MEGF8: variants seen among roughly 807,000 people sequenced by gnomAD.
MEGF8 encodes multiple EGF like domains 8, also known as multiple epidermal growth factor-like domains protein 8.
A neutral mutation model predicts 302.9 loss-of-function variants in MEGF8; 156 were observed. The observed-to-expected ratio is 0.52, with a 90% CI of 0.45 to 0.59. The LOEUF (loss-of-function observed/expected upper bound fraction) is 0.59, where lower values mean the gene tolerates loss of function less well. MEGF8 is among the 20% of genes least tolerant of loss of function. The pLI, the probability that MEGF8 is intolerant of heterozygous loss-of-function variation, is 0.00. For synonymous variants in MEGF8, 1,621 were observed against 1,660.5 expected, an observed-to-expected ratio of 0.98 and a Z score of 0.58; for missense variants, 3,345 against 3,964.5, an observed-to-expected ratio of 0.84 and a Z score of 4.20.
Position 42,352,300 on chromosome 19 carries a change from C to T in MEGF8, c.3194C>T (p.Ala1065Val). The change falls in exon 19 of 42, where the codon GCC (alanine) becomes GTC (valine). Residue 1065 changes from alanine to valine, a missense_variant. Physicochemically the swap from Ala to Val is moderately conservative, Grantham distance 64 (BLOSUM62 0). Transcript: ENST00000251268. This position sits in a 1 kb window ranked among gnomAD's most constrained non-coding sequence, Gnocchi z 4.4. Reference sequence around the variant, plus strand: ...CTGGGGCTTCCCGTGGCCCTCCCTGCCCGCTGGGCATACGCCCGCTGTCCT... The same window carrying T: ...CTGGGGCTTCCCGTGGCCCTCCCTGTCCGCTGGGCATACGCCCGCTGTCCT... ...EGLGLPVALP[A>V]RWAYARCPDV... 6.4e-7 allele frequency: 1 copy of T among 1,574,526 alleles called. No homozygotes were observed. Among genetic ancestry groups the T allele is most frequent in the Non-Finnish European group, 8.6e-7 (1 of 1,160,452 alleles).
In MEGF8 at chr19:42,349,480, T is replaced by C; in HGVS notation, c.2299-19T>C. 6.3e-7 allele frequency: 1 copy of C among 1,590,206 alleles called. No homozygotes were observed. On this transcript the variant is annotated intron_variant, in intron 13 of 41. Transcript: ENST00000251268. ...GGAAGGGTTCTGAGGCCCCTGCCTA[T>C]CACTCACACCTACCCCAGGAGGAGG...
At position 42,351,614 on chromosome 19, in the gene MEGF8, T is replaced by C. The variant is rs760681583; in HGVS notation, c.2988-34T>C. 5.6e-6 allele frequency: 9 copies of C among 1,597,786 alleles called. No individual in the cohort carries two copies. Among genetic ancestry groups the C allele is most frequent in the Non-Finnish European group, 7.7e-6 (9 of 1,172,580 alleles). ...GGAAGATTCCCCACCGGCAAGGGGC[T>C]GGGGCTCTGACCCCCACCCCTGCCA... On this transcript the variant is annotated intron_variant, in intron 17 of 41. Coordinates refer to ENST00000251268, the MANE Select transcript of MEGF8 (RefSeq NM_001271938.2). The surrounding 1 kb of genome is among the most constrained non-coding windows in gnomAD (Gnocchi z 5.6).
intron 1 of MEGF8, among the ~76,000 whole-genome samples, chr19:42,328,098 A>C (rs1337306577): frequency 6.6e-6 from 1 of 152,242 alleles, no homozygotes; most frequent in African/African-American, 2.4e-5. Context: ...AAACAAAAAC[A>C]AAAACATAGA....
intron 35 of MEGF8, among the ~76,000 whole-genome samples, chr19:42,367,831 C>A (rs947281489): frequency 1.3e-5 from 2 of 152,204 alleles, no homozygotes; most frequent in African/African-American, 2.4e-5. Context: ...TTTCTGCAGC[C>A]TGCTCTTTTC....
chr19:42,350,258 C>T lies in MEGF8; in HGVS notation c.2610C>T (p.Ala870=), dbSNP rs2039348843. Residue 870 remains alanine (A), a synonymous_variant, in exon 15 of 42, where the codon GCC becomes GCT. Coordinates refer to ENST00000251268, the MANE Select transcript of MEGF8 (RefSeq NM_001271938.2). ...DQGCGWCLTS[A]TCHLRQGGAH... The stretch of plus-strand genomic sequence containing the variant: ...GCTGTGGCTGGTGCCTGACCAGTGC[C>T]ACCTGCCACCTGCGCCAGGGCGGAG... 1 of 1,611,918 alleles carries T rather than the reference C, an allele frequency of 6.2e-7. No homozygotes were observed. Among genetic ancestry groups the T allele is most frequent in the South Asian group, 1.1e-5 (1 of 91,082 alleles).
At position 42,352,479 on chromosome 19, in the gene MEGF8, T is replaced by C; in HGVS notation, c.3350+23T>C. 1 of 1,560,622 alleles carries C rather than the reference T, an allele frequency of 6.4e-7. No individual in the cohort carries two copies. The highest frequency in any genetic ancestry group is 8.7e-7 in the Non-Finnish European group (1 of 1,147,292). On this transcript the variant is annotated intron_variant, in intron 19 of 41. Coordinates refer to ENST00000251268, the MANE Select transcript of MEGF8 (RefSeq NM_001271938.2). The surrounding 1 kb of genome is among the most constrained non-coding windows in gnomAD (Gnocchi z 4.4). ...CACGTGAGTGAGGCGGGGGTTGCTA[T>C]GGAGATGTTGCCCCAGGCTGGGGCA...
intron 13 of MEGF8, among the ~76,000 whole-genome samples, chr19:42,349,297 C>G (rs1417808061): frequency 1.5e-5 from 2 of 136,416 alleles, no homozygotes; most frequent in Non-Finnish European, 3.1e-5. Flanking sequence ...GAGACCCTGT[C>G]TCAAGAAAAA....
Position 42,351,503 on chromosome 19 carries a change from T to C in MEGF8, c.2930T>C (p.Leu977Pro), listed in dbSNP as rs774578166. 1.8e-5 allele frequency: 29 copies of C among 1,607,376 alleles called. No individual in the cohort carries two copies. Among genetic ancestry groups the C allele is most frequent in the Non-Finnish European group, 2.5e-5 (29 of 1,177,336 alleles). ...TGCCAGTCCACCCACACCTGCTTCC[T>C]GTTTGCTGCCTACTTGGCCCGGTAC... ...AWCQSTHTCF[L>P]FAAYLARYPH... Residue 977 changes from leucine to proline, a missense_variant, in exon 17 of 42, where the codon CTG becomes CCG. Physicochemically the swap from Leu to Pro is moderately conservative, Grantham distance 98 (BLOSUM62 -3). Coordinates refer to ENST00000251268, the MANE Select transcript of MEGF8 (RefSeq NM_001271938.2). This position sits in a 1 kb window ranked among gnomAD's most constrained non-coding sequence, Gnocchi z 5.6.
At chr19:42,334,279 C>A in intron 3 of MEGF8, 66 bp downstream of exon 3, 1 of 1,413,538 alleles carries the variant, frequency 7.1e-7, no homozygotes, top group Non-Finnish European at 9.5e-7. Context: ...CCACGCCCAT[C>A]TCCTAGGTCT....
chr19:42,350,961 A>T (rs1174640040), intron 15 of MEGF8, among the ~76,000 whole-genome samples: 1 of 152,036 alleles, frequency 6.6e-6, no homozygotes, highest in Non-Finnish European at 1.5e-5. Flanking sequence ...CCACCTCTGG[A>T]TCCTGAGGAT....
chr19:42,370,771 A>G lies in MEGF8; in HGVS notation c.7076A>G (p.Tyr2359Cys), dbSNP rs143643113. 5.0e-5 allele frequency: 77 copies of G among 1,550,854 alleles called. No individual in the cohort carries two copies. Among genetic ancestry groups the G allele is most frequent in the Non-Finnish European group, 6.0e-5 (69 of 1,146,176 alleles). Residue 2359 changes from tyrosine to cysteine, a missense_variant, in exon 40 of 42, where the codon TAT becomes TGT. Coordinates refer to ENST00000251268, the MANE Select transcript of MEGF8 (RefSeq NM_001271938.2). ...AVCVNCQNNS[Y>C]GEKCESCLQG... ...TGCGTGAACTGCCAGAATAACAGCT[A>G]TGGGGAGAAATGCGAGAGCTGCCTG...
chr19:42,331,476 G>C (rs941931166), intron 1 of MEGF8, among the ~76,000 whole-genome samples: 2 of 152,206 alleles, frequency 1.3e-5, no homozygotes, highest in African/African-American at 4.8e-5. Flanking sequence ...TGGAATGAGA[G>C]AGGCTACCTG....
rs1050352479 is a variant in MEGF8 at position 42,326,290 on chromosome 19, C to G, written c.47C>G (p.Ala16Gly). ...GCCATGGCACTGGTTTTGGCCTTGGCCGTGCTGGGGTCGCTGTCCCCTGGG... is the reference window on the plus strand; with the variant it reads ...GCCATGGCACTGGTTTTGGCCTTGGGCGTGCTGGGGTCGCTGTCCCCTGGG... The part of the protein sequence containing the change: ...VLAMALVLAL[A>G]VLGSLSPGAR... The change falls in exon 1 of 42, where the codon GCC (alanine) becomes GGC (glycine). Residue 16 changes from alanine to glycine, a missense_variant. Coordinates refer to ENST00000251268, the MANE Select transcript of MEGF8 (RefSeq NM_001271938.2). 3 of 1,560,620 alleles carry G rather than the reference C, an allele frequency of 1.9e-6. No individual in the cohort carries two copies. In the African/African-American group the frequency reaches 4.3e-5, roughly 22 times the overall value.
chr19:42,376,547 C>T lies in MEGF8; in HGVS notation c.8310C>T (p.Leu2770=), dbSNP rs745409996. 4.4e-5 allele frequency: 68 copies of T among 1,560,158 alleles called. No individual in the cohort carries two copies. Among genetic ancestry groups the T allele is most frequent in the East Asian group, 3.1e-4 (13 of 41,562 alleles). ...TAGLRAGPIT[L]EPTEDGMAGV... Reference sequence around the variant, plus strand: ...GGCTGCGAGCTGGGCCCATCACTCTCGAGCCCACAGAAGATGGCATGGCTG... The same window carrying T: ...GGCTGCGAGCTGGGCCCATCACTCTTGAGCCCACAGAAGATGGCATGGCTG... Residue 2770 remains leucine (L), a synonymous_variant, in exon 42 of 42, where the codon CTC becomes CTT. Coordinates refer to ENST00000251268, the MANE Select transcript of MEGF8 (RefSeq NM_001271938.2). This position sits in a 1 kb window ranked among gnomAD's most constrained non-coding sequence, Gnocchi z 8.2.
rs2039747358 is a variant in MEGF8 at position 42,375,140 on chromosome 19, CTG to C, written c.7270-362_7270-361del. Among the ~76,000 whole-genome samples, 2 of 152,216 alleles carry C rather than the reference CTG, an allele frequency of 1.3e-5. No individual in the cohort carries two copies. The highest frequency in any genetic ancestry group is 6.5e-5 in the Admixed American group (1 of 15,286). ...TGTGTGCAGAGCTCATGGGTTAAGT[CTG>C]TGTGCTCAGGCTCAGTGAGGTTAAG... On this transcript the variant is annotated intron_variant, in intron 41 of 41. Coordinates refer to ENST00000251268, the MANE Select transcript of MEGF8 (RefSeq NM_001271938.2). The surrounding 1 kb of genome is among the most constrained non-coding windows in gnomAD (Gnocchi z 7.1).
chr19:42,333,695 C>G lies in MEGF8; in HGVS notation c.278C>G (p.Ser93Cys), dbSNP rs200910137. 1.5e-4 allele frequency: 243 copies of G among 1,614,008 alleles called. No homozygotes were observed. The highest frequency in any genetic ancestry group is 2.3e-4 in the Admixed American group (14 of 60,022). The change falls in exon 2 of 42, where the codon TCC (serine) becomes TGC (cysteine). Residue 93 changes from serine to cysteine, a missense_variant. Transcript: ENST00000251268. ...TACCTGTTCGTGTATGACGGTGACTCCCCGCGAGGGCCGCTGCTTGCCAGT... is the reference window on the plus strand; with the variant it reads ...TACCTGTTCGTGTATGACGGTGACTGCCCGCGAGGGCCGCTGCTTGCCAGT... ...YDYLFVYDGDSPRGPLLASLS... is the reference protein window; with the variant it reads ...YDYLFVYDGDCPRGPLLASLS...
intron 15 of MEGF8, among the ~76,000 whole-genome samples, chr19:42,350,807 G>T (rs1399931849): frequency 6.6e-6 from 1 of 152,148 alleles, no homozygotes; most frequent in Non-Finnish European, 1.5e-5. Flanking sequence ...ACAGAGTGAG[G>T]CTTCCTATTT....
Position 42,335,334 on chromosome 19 carries a change from A to G in MEGF8, c.777A>G (p.Leu259=), listed in dbSNP as rs1176550481. 1.9e-6 allele frequency: 3 copies of G among 1,613,850 alleles called. No homozygotes were observed. The highest frequency in any genetic ancestry group is 1.3e-5 in the African/African-American group (1 of 74,906). ...DLNNALGDLV[L]YNFSANTWES... ...ACAATGCCCTGGGTGACCTCGTCCT[A>G]TACAACTTCTCCGCCAACACCTGGG... is the stretch of plus-strand genomic sequence containing the variant. Residue 259 remains leucine (L), a synonymous_variant, in exon 5 of 42, where the codon CTA becomes CTG. Transcript: ENST00000251268.
intron 8 of MEGF8, among the ~76,000 whole-genome samples, chr19:42,342,629 T>A (rs2039230470): frequency 6.7e-6 from 1 of 148,960 alleles, no homozygotes; most frequent in Non-Finnish European, 1.5e-5. Flanking sequence ...AAAGCGAGAC[T>A]CTGTCTCAAA....
Sources: allele counts gnomAD v4.1 joint callset (sites outside exome capture counted in the v4.1 genomes callset), GRCh38; gene constraint gnomAD v4.1.1; non-coding constraint Gnocchi (gnomAD v3.1); transcripts MANE v1.5; gene names NCBI Gene and HGNC (gene_info 2026-07-23, HGNC 2026-07-21).